Variants in COL12A1 observed in about 807,000 individuals in gnomAD.
The protein encoded by COL12A1 is collagen alpha-1(XII) chain.
COL12A1 carries 114 observed loss-of-function variants against 349.7 expected under a neutral mutation model. The observed-to-expected ratio is 0.33, with a 90% confidence interval of 0.28 to 0.38. COL12A1 has a LOEUF of 0.38. COL12A1 is among the 10% of genes least tolerant of loss of function. The pLI is 1.00. For missense variants in COL12A1, 3,284 were observed against 3,756.9 expected, an observed-to-expected ratio of 0.87 and a Z score of 3.29; for synonymous variants, 1,369 against 1,329.0, an observed-to-expected ratio of 1.03 and a Z score of -0.66.
chr6:75,138,672 C>G (rs1766746734), intron 28 of COL12A1, 92 bp from the exon 29 acceptor site: 4 of 1,567,838 alleles, frequency 2.6e-6, no homozygotes, highest in Non-Finnish European at 3.5e-6. Context: ...CATTATTTAG[C>G]CAGATGTTCC....
In COL12A1 at chr6:75,084,353, A is replaced by C. The variant is rs1396270504; in HGVS notation, c.*2194T>G. 6.5e-6 allele frequency: 1 copy of C among 152,692 alleles called. No individual in the cohort carries two copies. The highest frequency in any genetic ancestry group is 1.5e-5 in the Non-Finnish European group (1 of 68,040). The allele number at this position is 152,692 out of a possible 1,614,324, so 9.5% of individuals were successfully genotyped here. A position where few individuals can be genotyped will look rare whatever the true frequency, so the allele number is the denominator to read the frequency against. ...AAATTTTCAGTAGTTTTATTGAAAAATGCCTCTTTTGTTTCAGAAATAAAT... is the reference window on the plus strand; with the variant it reads ...AAATTTTCAGTAGTTTTATTGAAAACTGCCTCTTTTGTTTCAGAAATAAAT... On this transcript the variant is annotated 3_prime_UTR_variant, in exon 66 of 66. Transcript: ENST00000322507.
In COL12A1 at chr6:75,102,684, A is replaced by AG; in HGVS notation, c.8327dup (p.Gly2777TrpfsTer37). 3 of 1,550,790 alleles carry AG rather than the reference A, an allele frequency of 1.9e-6. No individual in the cohort carries two copies. The highest frequency in any genetic ancestry group is 1.4e-5 in the African/African-American group (1 of 71,456). ...GAGGACCTATGTCTCCACGAGGACC[A>AG]GGGGGCCCCTAAAATACACAAGAGA... On this transcript the variant is annotated frameshift_variant, in exon 56 of 66. Transcript: ENST00000322507. LOFTEE classifies it high-confidence loss of function.
intron 34 of COL12A1, 115 bp from the exon 35 acceptor site, chr6:75,132,197 A>T: frequency 7.8e-7 from 1 of 1,278,676 alleles, no homozygotes; most frequent in Non-Finnish European, 1.1e-6. Context: ...TCTTCTTTAT[A>T]CTTCTAATTA....
In COL12A1 at chr6:75,155,787, A is replaced by G. The variant is rs1767723213; in HGVS notation, c.3318T>C (p.Thr1106=). The G allele has an allele frequency of 6.2e-7, 1 of 1,613,464 alleles. No individual in the cohort carries two copies. Among genetic ancestry groups the G allele is most frequent in the South Asian group, 1.1e-5 (1 of 91,050 alleles). The change falls in exon 16 of 66, where the codon ACT becomes ACC. Residue 1106 remains threonine (T), a synonymous_variant. Transcript: ENST00000322507. ...SDPTMSSFRV[T]WEPAPGEVKG... is the part of the protein sequence containing the mutation. Reference sequence around the variant, plus strand: ...TCACTTCCCCAGGGGCAGGCTCCCAAGTCACTCGGAAGCTTGACATGGTTG... The same window carrying G: ...TCACTTCCCCAGGGGCAGGCTCCCAGGTCACTCGGAAGCTTGACATGGTTG...
chr6:75,092,657 C>A (rs371963739), intron 60 of COL12A1, among the ~76,000 whole-genome samples: 1 of 152,142 alleles, frequency 6.6e-6, no homozygotes, highest in Non-Finnish European at 1.5e-5. Flanking sequence ...CCAATACCCT[C>A]CTAACTGCTC....
intron 27 of COL12A1, 132 bp downstream of exon 27, chr6:75,141,900 C>A: frequency 2.6e-6 from 3 of 1,132,914 alleles, no homozygotes; most frequent in Admixed American, 2.5e-5. Context: ...AAGTGAAAAA[C>A]AATCTATGAA....
chr6:75,092,405 A>G (rs911749545), intron 60 of COL12A1, among the ~76,000 whole-genome samples: 8 of 152,182 alleles, frequency 5.3e-5, no homozygotes, highest in Non-Finnish European at 1.0e-4. Context: ...AAATAACTCA[A>G]TCTGATCCTA....
At chr6:75,092,328 A>G (rs1484157535) in intron 60 of COL12A1, among the ~76,000 whole-genome samples, 2 of 152,200 alleles carry the variant, frequency 1.3e-5, no homozygotes, top group Non-Finnish European at 2.9e-5. Flanking sequence ...CATGTACCCC[A>G]GAACTTAAAG....
At chr6:75,133,468 G>A (rs778217851) in intron 33 of COL12A1, 46 bp from the exon 34 acceptor site, 5 of 1,570,528 alleles carry the variant, frequency 3.2e-6, no homozygotes, top group Non-Finnish European at 8.7e-7. Flanking sequence ...AAAAATTTGT[G>A]AAAGAAATAA....
rs770005406 is a variant in COL12A1, at chr6:75,137,482, A to G, written c.5349T>C (p.Tyr1783=). 26 of 1,613,560 alleles carry G rather than the reference A, an allele frequency of 1.6e-5. No individual in the cohort carries two copies. In the East Asian group the frequency reaches 5.8e-4, roughly 36 times the overall value. ...WDPASGRVQK[Y]RITYQPSTGE... is the part of the protein sequence containing the mutation. ...CTGTGGAAGGCTGATAAGTGATCCTATATTTCTGCACACGACCACTAGCAG... is the reference window on the plus strand; with the variant it reads ...CTGTGGAAGGCTGATAAGTGATCCTGTATTTCTGCACACGACCACTAGCAG... Residue 1783 remains tyrosine (Y), a synonymous_variant, in exon 31 of 66, where the codon TAT becomes TAC. Transcript: ENST00000322507.
At position 75,145,400 on chromosome 6, in the gene COL12A1, G is replaced by A. The variant is rs373216375; in HGVS notation, c.4616C>T (p.Thr1539Met). Residue 1539 changes from threonine to methionine, a missense_variant, in exon 25 of 66, where the codon ACG becomes ATG. Around this residue, in one of 2 missense-constraint regions of COL12A1, gnomAD observed 2,601 missense variants for 2,824.8 expected, o/e 0.92. Transcript: ENST00000322507. ...DMQLTDLVPN[T>M]EYAVTVQAVL... ...AGCCTGGACTGTGACTGCATACTCC[G>A]TGTTGGGAACAAGGTCAGTCAGCTG... The A allele has an allele frequency of 2.1e-5, 34 of 1,613,850 alleles. No homozygotes were observed. The highest frequency in any genetic ancestry group is 8.9e-5 in the East Asian group (4 of 44,868).
At chr6:75,178,026 T>C in intron 11 of COL12A1, 91 bp from the exon 12 acceptor site, 2 of 1,206,854 alleles carry the variant, frequency 1.7e-6, no homozygotes, top group South Asian at 1.5e-5. Context: ...TACTAAATTA[T>C]ACCATTTCTC....
intron 17 of COL12A1, among the ~76,000 whole-genome samples, chr6:75,153,407 C>T (rs1258010571): frequency 6.6e-6 from 1 of 151,906 alleles, no homozygotes; most frequent in East Asian, 1.9e-4. Context: ...AACATTAATG[C>T]AAAACAGCAA....
intron 13 of COL12A1, among the ~76,000 whole-genome samples, chr6:75,170,708 A>T (rs1431536286): frequency 6.6e-6 from 1 of 152,226 alleles, no homozygotes; most frequent in Non-Finnish European, 1.5e-5. Context: ...CGTCAGAGTT[A>T]TTATACCCAG....
At chr6:75,144,260 TC>T (rs1212866245) in intron 25 of COL12A1, among the ~76,000 whole-genome samples, 1 of 152,152 alleles carries the variant, frequency 6.6e-6, no homozygotes, top group Non-Finnish European at 1.5e-5. Context: ...TGAGTCTCTA[TC>T]CCTGGCTGAC....
intron 59 of COL12A1, among the ~76,000 whole-genome samples, chr6:75,095,420 A>G (rs1255075682): frequency 6.6e-6 from 1 of 151,954 alleles, no homozygotes; most frequent in Non-Finnish European, 1.5e-5. Context: ...GATCGAGACC[A>G]TCCTGGCTAA....
chr6:75,146,135 A>C lies in COL12A1; in HGVS notation c.4527T>G (p.Pro1509=), dbSNP rs1375857921. ...GATGYILSYK[P]VKDTEPTRPK... ...GTCTTGTTGGCTCTGTGTCCTTAACAGGTTTGTATGACAAGATGTAGCCAG... is the reference window on the plus strand; with the variant it reads ...GTCTTGTTGGCTCTGTGTCCTTAACCGGTTTGTATGACAAGATGTAGCCAG... Residue 1509 remains proline (P), a synonymous_variant, in exon 24 of 66, where the codon CCT becomes CCG. Transcript: ENST00000322507. 2 of 1,611,448 alleles carry C rather than the reference A, an allele frequency of 1.2e-6. No homozygotes were observed. Among genetic ancestry groups the C allele is most frequent in the African/African-American group, 2.7e-5 (2 of 74,736 alleles).
chr6:75,180,470 T>C (rs1190740236), intron 11 of COL12A1, among the ~76,000 whole-genome samples: 1 of 152,046 alleles, frequency 6.6e-6, no homozygotes, highest in African/African-American at 2.4e-5. Flanking sequence ...GCCACTAAAA[T>C]GTGCACTCAA....
At chr6:75,175,385 C>T in intron 12 of COL12A1, 75 bp from the exon 13 acceptor site, 1 of 1,507,990 alleles carries the variant, frequency 6.6e-7, no homozygotes, top group Non-Finnish European at 8.9e-7. Flanking sequence ...TGTTACTTTA[C>T]TTATGCATGT....
Sources: allele counts gnomAD v4.1 joint callset (sites outside exome capture counted in the v4.1 genomes callset), GRCh38; gene constraint gnomAD v4.1.1; regional missense constraint gnomAD v4.1.1; transcripts MANE v1.5; gene names NCBI Gene and HGNC (gene_info 2026-07-23, HGNC 2026-07-21).